Variants in LNP1 observed in about 807,000 individuals in gnomAD.
LNP1 encodes leukemia NUP98 fusion partner 1.
Under a neutral mutation model 14.5 loss-of-function variants are expected in LNP1, and 12 were observed. The ratio of observed to expected loss-of-function variants is 0.83; its 90% CI spans 0.53 to 1.34. The LOEUF (loss-of-function observed/expected upper bound fraction) is 1.34, where lower values mean the gene tolerates loss of function less well. Ranked by LOEUF, LNP1 falls within the 40% of genes most tolerant of loss-of-function variation. The pLI is 0.00. For synonymous variants in LNP1, 75 were observed against 71.4 expected (o/e 1.05, Z -0.26); for missense variants, 198 against 210.9 (o/e 0.94, Z 0.38).
intron 2 of LNP1, among the ~76,000 whole-genome samples, chr3:100,436,013 G>A (rs1416971944): frequency 6.6e-6 from 1 of 152,164 alleles, no homozygotes; most frequent in East Asian, 1.9e-4. Context: ...CTGTAGTAAT[G>A]GCTGATGGAA....
At chr3:100,417,940 C>T (rs1040649571) in intron 1 of LNP1, among the ~76,000 whole-genome samples, 3 of 151,628 alleles carry the variant, frequency 2.0e-5, no homozygotes, top group African/African-American at 7.3e-5. Flanking sequence ...TTTACTCATT[C>T]CTTCTAGCTT....
intron 1 of LNP1, among the ~76,000 whole-genome samples, chr3:100,410,506 A>T (rs1178573806): frequency 6.6e-6 from 1 of 152,196 alleles, no homozygotes. Context: ...TATCTAAGTA[A>T]AGTATCAAAG....
chr3:100,451,599 A>G (rs1276336792), intron 2 of LNP1, 120 bp from the exon 3 acceptor site: 4 of 609,110 alleles, frequency 6.6e-6, no homozygotes, highest in African/African-American at 1.9e-5. Context: ...TTCCTTTCAC[A>G]AAGATAATAT....
intron 2 of LNP1, among the ~76,000 whole-genome samples, chr3:100,437,162 G>A (rs1300900133): frequency 1.3e-5 from 2 of 152,194 alleles, no homozygotes; most frequent in African/African-American, 4.8e-5. Flanking sequence ...AGAGCTAGTA[G>A]GGAAAACATT....
chr3:100,417,908 G>A (rs1396432314), intron 1 of LNP1, among the ~76,000 whole-genome samples: 2 of 151,322 alleles, frequency 1.3e-5, no homozygotes, highest in Non-Finnish European at 2.9e-5. Flanking sequence ...GTATTTATTT[G>A]GAGACATTAT....
chr3:100,417,484 T>C (rs1296296063), intron 1 of LNP1, among the ~76,000 whole-genome samples: 1 of 143,936 alleles, frequency 6.9e-6, no homozygotes, highest in East Asian at 2.3e-4. Flanking sequence ...TAAGCACTTC[T>C]CCTGCCTCAG....
chr3:100,402,312 C>T lies in LNP1; in HGVS notation c.-161C>T, dbSNP rs142919907. The T allele has an allele frequency of 6.6e-6, 1 of 152,298 alleles. No individual in the cohort carries two copies. The highest frequency in any genetic ancestry group is 6.5e-5 in the Admixed American group (1 of 15,296). 9.4% of individuals were successfully genotyped at this position (152,298 alleles called of 1,614,324 possible). A position where few individuals can be genotyped will look rare whatever the true frequency, so the allele number is the denominator to read the frequency against. ...ATGATTGTTTTGCTGTTAAGTGCAA[C>T]AACATCACAGTAGAGCTACATAAAG... On this transcript the variant is annotated 5_prime_UTR_variant, in exon 1 of 4. Transcript: ENST00000383693.
chr3:100,412,700 G>A (rs1014335203), intron 1 of LNP1, among the ~76,000 whole-genome samples: 1 of 152,128 alleles, frequency 6.6e-6, no homozygotes, highest in African/African-American at 2.4e-5. Context: ...AAAGTAATAT[G>A]TTTTCTCTTT....
intron 2 of LNP1, among the ~76,000 whole-genome samples, chr3:100,445,512 G>A (rs774178809): frequency 6.6e-6 from 1 of 152,062 alleles, no homozygotes; most frequent in African/African-American, 2.4e-5. Context: ...TTTAGACCCA[G>A]GAGTCAAAGC....
intron 2 of LNP1, among the ~76,000 whole-genome samples, chr3:100,448,410 A>G (rs2148907831): frequency 6.6e-6 from 1 of 152,346 alleles, no homozygotes; most frequent in East Asian, 1.9e-4. Context: ...AGCTATTTTT[A>G]TTAAACCAAT....
chr3:100,421,184 A>C (rs766952987), intron 1 of LNP1, among the ~76,000 whole-genome samples: 5 of 152,164 alleles, frequency 3.3e-5, no homozygotes, highest in Non-Finnish European at 7.3e-5. Flanking sequence ...CAATTGCTCC[A>C]AAACCATTTG....
chr3:100,410,356 A>G (rs969414548), intron 1 of LNP1, among the ~76,000 whole-genome samples: 3 of 143,904 alleles, frequency 2.1e-5, no homozygotes, highest in African/African-American at 8.4e-5. Context: ...GTGAGATCTC[A>G]GATACAAATA....
At chr3:100,450,676 T>A (rs1298784081) in intron 2 of LNP1, among the ~76,000 whole-genome samples, 1 of 152,070 alleles carries the variant, frequency 6.6e-6, no homozygotes, top group African/African-American at 2.4e-5. Context: ...AAACCCTAAT[T>A]CAGTTCCTTA....
intron 2 of LNP1, among the ~76,000 whole-genome samples, chr3:100,442,577 G>A (rs1439724048): frequency 2.6e-5 from 4 of 152,140 alleles, no homozygotes; most frequent in Non-Finnish European, 4.4e-5. Flanking sequence ...AGAGACAAAT[G>A]GTTGCATTCT....
chr3:100,455,989 T>G lies in LNP1; in HGVS notation c.*63T>G. The G allele has an allele frequency of 6.5e-7, 1 of 1,536,498 alleles. No individual in the cohort carries two copies. Among genetic ancestry groups the G allele is most frequent in the Non-Finnish European group, 8.8e-7 (1 of 1,139,072 alleles). ...TTTGGTTTTTTTCTTTGAGCCCCAATTCACCATTTCAGGATGTGGATGGGG... is the reference window on the plus strand; with the variant it reads ...TTTGGTTTTTTTCTTTGAGCCCCAAGTCACCATTTCAGGATGTGGATGGGG... On this transcript the variant is annotated 3_prime_UTR_variant, in exon 4 of 4. Transcript: ENST00000383693.
intron 1 of LNP1, among the ~76,000 whole-genome samples, chr3:100,416,131 A>G (rs1334558009): frequency 6.6e-6 from 1 of 152,242 alleles, no homozygotes; most frequent in African/African-American, 2.4e-5. Flanking sequence ...GCAGCCACTT[A>G]TGCTTAATGC....
intron 1 of LNP1, among the ~76,000 whole-genome samples, chr3:100,407,208 C>G (rs1351535757): frequency 6.6e-6 from 1 of 152,118 alleles, no homozygotes; most frequent in Non-Finnish European, 1.5e-5. Flanking sequence ...TCAGATGTTT[C>G]TGTGTTTATC....
intron 2 of LNP1, among the ~76,000 whole-genome samples, chr3:100,439,700 G>A (rs528229585): frequency 1.3e-5 from 2 of 151,982 alleles, no homozygotes; most frequent in African/African-American, 2.4e-5. Context: ...AGCCAAGGAC[G>A]TAGGCACATG....
In LNP1 at chr3:100,429,781, A is replaced by G; in HGVS notation, c.52A>G (p.Ser18Gly). Residue 18 changes from serine to glycine, a missense_variant, in exon 2 of 4, where the codon AGC becomes GGC. Physicochemically the swap from Ser to Gly is moderately conservative, Grantham distance 56. Coordinates refer to ENST00000383693, the MANE Select transcript of LNP1 (RefSeq NM_001085451.2). Reference sequence around the variant, plus strand: ...TGATGTGTCTTTTGCCAAATGGATGAGCAGCTTCTGGGGCCACAGCTGGAG... The same window carrying G: ...TGATGTGTCTTTTGCCAAATGGATGGGCAGCTTCTGGGGCCACAGCTGGAG... The part of the protein sequence containing the change: ...DDDVSFAKWM[S>G]SFWGHSWREE... 1 of 1,613,932 alleles carries G rather than the reference A, an allele frequency of 6.2e-7. No individual in the cohort carries two copies.
Sources: allele counts gnomAD v4.1 joint callset (sites outside exome capture counted in the v4.1 genomes callset), GRCh38; gene constraint gnomAD v4.1.1; transcripts MANE v1.5; gene names NCBI Gene and HGNC (gene_info 2026-07-23, HGNC 2026-07-21).